The following CRPPA variants were observed in gnomAD, a reference collection of about 807,000 sequenced individuals.
CRPPA encodes the protein D-ribitol-5-phosphate cytidylyltransferase.
A neutral mutation model predicts 52.0 loss-of-function variants in CRPPA; 43 were observed. The ratio of observed to expected loss-of-function variants is 0.83; its 90% CI spans 0.65 to 1.07. CRPPA has a LOEUF of 1.07. CRPPA is among the 50% of genes least tolerant of loss of function. The pLI is 0.00. For synonymous variants in CRPPA, 250 were observed against 203.5 expected (o/e 1.23, Z -1.94); for missense variants, 629 against 551.7 (o/e 1.14, Z -1.40).
chr7:16,266,188 G>A (rs1783948460), intron 6 of CRPPA: 1 of 152,210 alleles, frequency 6.6e-6, no homozygotes, highest in Admixed American at 6.5e-5. Context: ...GGATAGTGTA[G>A]AAAGTATTTA....
intron 9 of CRPPA, among the ~76,000 whole-genome samples, chr7:16,098,531 A>C (rs1583353177): frequency 6.6e-6 from 1 of 152,302 alleles, no homozygotes; most frequent in Admixed American, 6.5e-5. Context: ...ATTATTATTT[A>C]AATGTCACAA....
chr7:16,376,254 G>C lies in CRPPA; in HGVS notation c.535-13C>G. ...TGGCTCCTGCTGCCTGAAGAACAAA[G>C]AGGCAAAGAATATATTTCACCTACA... On this transcript the variant is annotated splice_polypyrimidine_tract_variant and intron_variant, in intron 2 of 9. Coordinates refer to ENST00000407010, the MANE Select transcript of CRPPA (RefSeq NM_001101426.4). 1 of 1,589,528 alleles carries C rather than the reference G, an allele frequency of 6.3e-7. No homozygotes were observed. Among genetic ancestry groups the C allele is most frequent in the Non-Finnish European group, 8.5e-7 (1 of 1,169,738 alleles).
intron 5 of CRPPA, among the ~76,000 whole-genome samples, chr7:16,295,037 C>T (rs1409237644): frequency 1.3e-5 from 2 of 152,070 alleles, no homozygotes; most frequent in African/African-American, 4.8e-5. Flanking sequence ...TCCTAGTTCT[C>T]AGCAATTCTG....
At chr7:16,326,890 A>AATT (rs143731182) in intron 3 of CRPPA, among the ~76,000 whole-genome samples, 1 of 114,556 alleles carries the variant, frequency 8.7e-6, no homozygotes, top group African/African-American at 3.0e-5. Flanking sequence ...GAGCCTAAAT[A>AATT]CTATCAAATC....
chr7:16,233,424 A>G (rs547267627), intron 8 of CRPPA, among the ~76,000 whole-genome samples: 13 of 152,296 alleles, frequency 8.5e-5, no homozygotes, highest in Admixed American at 2.0e-4. Flanking sequence ...CTTCCTTTCA[A>G]TCTAACCCAG....
chr7:16,381,217 C>G (rs1373493526), intron 2 of CRPPA, among the ~76,000 whole-genome samples: 1 of 152,178 alleles, frequency 6.6e-6, no homozygotes, highest in Non-Finnish European at 1.5e-5. Context: ...TTTCAAAGAA[C>G]ATCTTTATTT....
chr7:16,282,992 A>G (rs1784348090), intron 5 of CRPPA, among the ~76,000 whole-genome samples: 1 of 152,088 alleles, frequency 6.6e-6, no homozygotes, highest in Non-Finnish European at 1.5e-5. Context: ...CAACATAAAT[A>G]TCTTGTTTTC....
chr7:16,109,056 A>C (rs1008797674), intron 9 of CRPPA, among the ~76,000 whole-genome samples: 1 of 151,900 alleles, frequency 6.6e-6, no homozygotes, highest in African/African-American at 2.4e-5. Flanking sequence ...TTAAGTTAGC[A>C]GAAAAAAAGT....
intron 3 of CRPPA, among the ~76,000 whole-genome samples, chr7:16,318,398 A>C (rs1785192140): frequency 6.6e-6 from 1 of 152,184 alleles, no homozygotes; most frequent in Non-Finnish European, 1.5e-5. Context: ...TTATGAAAAA[A>C]AGTCCAACCC....
At chr7:16,333,655 T>C (rs1201306322) in intron 3 of CRPPA, among the ~76,000 whole-genome samples, 1 of 152,172 alleles carries the variant, frequency 6.6e-6, no homozygotes, top group African/African-American at 2.4e-5. Flanking sequence ...CAAATGTAAG[T>C]AGAAGAAATC....
intron 5 of CRPPA, among the ~76,000 whole-genome samples, chr7:16,296,849 A>G (rs1176649462): frequency 6.6e-6 from 1 of 152,200 alleles, no homozygotes; most frequent in Non-Finnish European, 1.5e-5. Flanking sequence ...AGTAACAAAC[A>G]CTTTCTAGAA....
At chr7:16,114,656 C>T (rs996928569) in intron 9 of CRPPA, among the ~76,000 whole-genome samples, 2 of 151,764 alleles carry the variant, frequency 1.3e-5, no homozygotes, top group African/African-American at 4.8e-5. Context: ...CACACACACA[C>T]AACAAGGGAG....
At chr7:16,143,678 A>G (rs1405750095) in intron 9 of CRPPA, among the ~76,000 whole-genome samples, 1 of 152,216 alleles carries the variant, frequency 6.6e-6, no homozygotes, top group Non-Finnish European at 1.5e-5. Flanking sequence ...CTCTCTCTCA[A>G]TGGTAGCACA....
At chr7:16,221,315 A>C (rs988575811) in intron 8 of CRPPA, among the ~76,000 whole-genome samples, 2 of 152,174 alleles carry the variant, frequency 1.3e-5, no homozygotes, top group African/African-American at 4.8e-5. Flanking sequence ...TAAAGACTTA[A>C]ACGTTAGACC....
chr7:16,177,159 G>A (rs116032123), intron 9 of CRPPA, among the ~76,000 whole-genome samples: 22 of 152,196 alleles, frequency 1.4e-4, no homozygotes, highest in African/African-American at 5.1e-4. Flanking sequence ...TGGGGAGAAA[G>A]TATGACCAAA....
chr7:16,104,700 A>T (rs1782113972), intron 9 of CRPPA, among the ~76,000 whole-genome samples: 1 of 152,120 alleles, frequency 6.6e-6, no homozygotes, highest in Admixed American at 6.5e-5. Context: ...GGGGATCAAG[A>T]CCAACCTGGT....
At position 16,370,503 on chromosome 7, in the gene CRPPA, G is replaced by C. The variant is rs548011409; in HGVS notation, c.684+5589C>G. On this transcript the variant is annotated intron_variant, in intron 3 of 9. Transcript: ENST00000407010. Reference sequence around the variant, plus strand: ...GTCTGGTAGCCCCACTGGGTGGCTAGACCCAGAAGAGCAATATCACTGCAG... The same window carrying C: ...GTCTGGTAGCCCCACTGGGTGGCTACACCCAGAAGAGCAATATCACTGCAG... Among the ~76,000 whole-genome samples, 5 of 152,222 alleles carry C rather than the reference G, an allele frequency of 3.3e-5. No homozygotes were observed. In the East Asian group the frequency reaches 5.8e-4, roughly 18 times the overall value.
rs575254280 is a variant in CRPPA at position 16,361,681 on chromosome 7, T to G, written c.684+14411A>C. ...AAGTAAAATGGGGATTGCCACGAGC[T>G]GGGAGGGAGGGGAAGAGGAGTTACC... On this transcript the variant is annotated intron_variant, in intron 3 of 9. Transcript: ENST00000407010. Among the ~76,000 whole-genome samples the G allele has an allele frequency of 3.3e-5, 5 of 152,234 alleles. No homozygotes were observed. In the East Asian group the frequency reaches 9.6e-4, roughly 29 times the overall value.
chr7:16,420,207 G>A (rs1207009078), intron 1 of CRPPA, among the ~76,000 whole-genome samples: 1 of 152,110 alleles, frequency 6.6e-6, no homozygotes, highest in Non-Finnish European at 1.5e-5. Flanking sequence ...CAAACGGTTC[G>A]CATCAATTCA....
Sources: gnomAD v4.1 joint callset for allele counts (sites outside exome capture counted in the v4.1 genomes callset) on GRCh38, gnomAD v4.1.1 for gene constraint, MANE v1.5 for transcripts, NCBI Gene and HGNC (gene_info 2026-07-23, HGNC 2026-07-21) for gene names.